UBE2N: variants seen among roughly 807,000 people sequenced by gnomAD.
UBE2N encodes ubiquitin-conjugating enzyme E2 N.
For synonymous variants in UBE2N, 70 were observed against 69.2 expected (o/e 1.01, Z -0.06); for missense variants, 60 against 192.1 (o/e 0.31, Z 4.07).
chr12:93,431,522 G>T (rs1878773281), intron 1 of UBE2N, among the ~76,000 whole-genome samples: 1 of 152,068 alleles, frequency 6.6e-6, no homozygotes, highest in Non-Finnish European at 1.5e-5. Context: ...TCATAAAACT[G>T]CAATTAGAAT....
At chr12:93,417,889 C>T (rs1390713148) in intron 1 of UBE2N, among the ~76,000 whole-genome samples, 1 of 151,496 alleles carries the variant, frequency 6.6e-6, no homozygotes, top group Non-Finnish European at 1.5e-5. Context: ...AACAAACGGG[C>T]TCCTTTTTTG....
intron 1 of UBE2N, among the ~76,000 whole-genome samples, chr12:93,427,243 T>C (rs1397491820): frequency 2.0e-5 from 3 of 152,206 alleles, no homozygotes; most frequent in Non-Finnish European, 4.4e-5. Context: ...TATTCCACTG[T>C]GGCCCAGGGA....
chr12:93,413,542 CCAAACTTAA>C (rs1878100128), intron 1 of UBE2N, among the ~76,000 whole-genome samples: 1 of 152,014 alleles, frequency 6.6e-6, no homozygotes, highest in Non-Finnish European at 1.5e-5. Flanking sequence ...AATAAGCATC[CCAAACTTAA>C]CATGACCTCC....
chr12:93,418,669 T>C (rs553774508), intron 1 of UBE2N, among the ~76,000 whole-genome samples: 16 of 152,092 alleles, frequency 1.1e-4, no homozygotes, highest in African/African-American at 3.6e-4. Flanking sequence ...TCCACAGCAC[T>C]GCTATCCAAC....
intron 3 of UBE2N, 93 bp downstream of exon 3, chr12:93,410,641 T>C (rs1328965832): frequency 4.8e-5 from 74 of 1,543,864 alleles, no homozygotes; most frequent in Admixed American, 5.8e-5. Context: ...TTTTTTCTAT[T>C]TCTTTTCCTT....
chr12:93,430,559 T>C (rs78884525), intron 1 of UBE2N, among the ~76,000 whole-genome samples: 1,732 of 151,192 alleles, frequency 0.011, 4 homozygotes, highest in Non-Finnish European at 0.017. Context: ...CTAAACAGGG[T>C]CTCATGTTTG....
At chr12:93,424,020 T>C (rs1170549567) in intron 1 of UBE2N, among the ~76,000 whole-genome samples, 1 of 152,234 alleles carries the variant, frequency 6.6e-6, no homozygotes, top group Non-Finnish European at 1.5e-5. Flanking sequence ...GCCATTCTCC[T>C]AATAACCAAA....
chr12:93,438,360 G>C (rs1007607080), intron 1 of UBE2N, among the ~76,000 whole-genome samples: 2 of 152,186 alleles, frequency 1.3e-5, no homozygotes, highest in Non-Finnish European at 2.9e-5. Flanking sequence ...AGGTTAGGTA[G>C]AGGGTATGAC....
intron 1 of UBE2N, among the ~76,000 whole-genome samples, chr12:93,415,151 TTAAA>T (rs142799903): frequency 0.032 from 4,834 of 152,224 alleles, 276 homozygotes; most frequent in African/African-American, 0.11. Context: ...ATGTTCATAT[TTAAA>T]TAAGCTTTTA....
chr12:93,426,860 G>C (rs998538940), intron 1 of UBE2N, among the ~76,000 whole-genome samples: 1 of 152,026 alleles, frequency 6.6e-6, no homozygotes, highest in African/African-American at 2.4e-5. Context: ...TCTCATGGGT[G>C]CATCAGCAGA....
intron 1 of UBE2N, among the ~76,000 whole-genome samples, chr12:93,422,645 AG>A (rs1259872165): frequency 6.6e-6 from 1 of 152,150 alleles, no homozygotes; most frequent in East Asian, 1.9e-4. Context: ...TAAAATAATA[AG>A]ATTTATTAGC....
chr12:93,410,544 G>T, intron 3 of UBE2N, 190 bp downstream of exon 3: 2 of 755,820 alleles, frequency 2.6e-6, no homozygotes, highest in Non-Finnish European at 4.2e-6. Flanking sequence ...TTCAATTACA[G>T]GTTGTCTTTA....
rs558233261 is a variant in UBE2N at position 93,406,577 on chromosome 12, TC to T, written c.*3461del. The T allele has an allele frequency of 1.3e-5, 2 of 152,256 alleles. No homozygotes were observed. The highest frequency in any genetic ancestry group is 2.9e-5 in the Non-Finnish European group (2 of 68,086). 9.4% of individuals were successfully genotyped at this position (152,256 alleles called of 1,614,324 possible). On this transcript the variant is annotated 3_prime_UTR_variant, in exon 4 of 4. Transcript: ENST00000318066. ...GCCCTCCATATCCATGGGTTCCACTTCCGTGGATTCAAACAACCAGACAAAA... is the reference window on the plus strand; with the variant it reads ...GCCCTCCATATCCATGGGTTCCACTTCGTGGATTCAAACAACCAGACAAAA...
chr12:93,437,909 A>G (rs1878982020), intron 1 of UBE2N, among the ~76,000 whole-genome samples: 2 of 152,208 alleles, frequency 1.3e-5, no homozygotes, highest in Non-Finnish European at 2.9e-5. Context: ...CTATGTGTGC[A>G]TTTCCTAGTT....
intron 1 of UBE2N, among the ~76,000 whole-genome samples, chr12:93,422,391 A>G (rs567844878): frequency 6.6e-6 from 1 of 152,218 alleles, no homozygotes; most frequent in South Asian, 2.1e-4. Context: ...CTGTTATCTC[A>G]GGAATGATTT....
chr12:93,431,558 C>T (rs1234337164), intron 1 of UBE2N, among the ~76,000 whole-genome samples: 1 of 152,146 alleles, frequency 6.6e-6, no homozygotes, highest in Non-Finnish European at 1.5e-5. Flanking sequence ...ACGTAACATG[C>T]TTAGAACAGT....
chr12:93,419,412 C>T (rs1878334552), intron 1 of UBE2N, among the ~76,000 whole-genome samples: 1 of 151,514 alleles, frequency 6.6e-6, no homozygotes, highest in African/African-American at 2.4e-5. Context: ...AAAGTAATGT[C>T]AGAACATTTG....
intron 1 of UBE2N, among the ~76,000 whole-genome samples, chr12:93,416,900 G>A (rs1878234948): frequency 1.3e-5 from 2 of 149,554 alleles, no homozygotes; most frequent in Admixed American, 6.7e-5. Context: ...GATCACATAG[G>A]AAGGCCATAG....
At chr12:93,440,644 CA>C (rs1435928449) in intron 1 of UBE2N, among the ~76,000 whole-genome samples, 2 of 152,130 alleles carry the variant, frequency 1.3e-5, no homozygotes, top group African/African-American at 4.8e-5. Context: ...ACACGTTCAC[CA>C]GGTTATATCA....
Sources: allele counts gnomAD v4.1 joint callset (sites outside exome capture counted in the v4.1 genomes callset), GRCh38; gene constraint gnomAD v4.1.1; transcripts MANE v1.5; gene names NCBI Gene and HGNC (gene_info 2026-07-23, HGNC 2026-07-21).